Variants in CPED1 observed in about 807,000 individuals in gnomAD.
CPED1 encodes cadherin-like and PC-esterase domain-containing protein 1.
Under a neutral mutation model 128.2 loss-of-function variants are expected in CPED1, and 114 were observed. The ratio of observed to expected loss-of-function variants is 0.89; its 90% CI spans 0.76 to 1.04. The LOEUF is 1.04. Among genes scored for constraint, CPED1 ranks in the 50% least tolerant of loss-of-function variants. The probability of loss-of-function intolerance (pLI) is 0.00; values close to 1 mark genes in which losing one functional copy is unlikely to be tolerated. For missense variants in CPED1, 1,211 were observed against 1,207.1 expected, an observed-to-expected ratio of 1.00 and a Z score of -0.05; for synonymous variants, 462 against 426.7, an observed-to-expected ratio of 1.08 and a Z score of -1.02.
chr7:121,258,739 G>A (rs572896473), intron 18 of CPED1, among the ~76,000 whole-genome samples: 4 of 151,958 alleles, frequency 2.6e-5, no homozygotes, highest in East Asian at 1.9e-4. Context: ...AATTGTGTAC[G>A]TACCTAAATA....
chr7:121,210,071 T>C (rs1012199746), intron 16 of CPED1, among the ~76,000 whole-genome samples: 6 of 151,992 alleles, frequency 3.9e-5, no homozygotes, highest in African/African-American at 1.2e-4. Context: ...CTCAACATCA[T>C]TGATCATCAG....
chr7:121,130,446 T>C (rs1795634573), intron 12 of CPED1, 152 bp downstream of exon 12: 1 of 612,042 alleles, frequency 1.6e-6, no homozygotes, highest in South Asian at 2.3e-5. Flanking sequence ...CTTTAAACAT[T>C]GAAACCATAA....
At chr7:121,096,028 G>T (rs1282986834) in intron 5 of CPED1, among the ~76,000 whole-genome samples, 1 of 151,984 alleles carries the variant, frequency 6.6e-6, no homozygotes, top group Non-Finnish European at 1.5e-5. Flanking sequence ...TTAAGAACAC[G>T]TATTTTATTA....
At chr7:121,024,539 T>A (rs7802570) in intron 3 of CPED1, among the ~76,000 whole-genome samples, 34,480 of 152,096 alleles carry the variant, frequency 0.23, 4,356 homozygotes, top group East Asian at 0.42. Context: ...GTATTTAAAT[T>A]GTCTAAAGCT....
intron 22 of CPED1, among the ~76,000 whole-genome samples, chr7:121,286,864 T>TATAA: frequency 6.6e-6 from 1 of 152,062 alleles, no homozygotes; most frequent in East Asian, 1.9e-4. Context: ...ATAAAGGAAA[T>TATAA]AGGTTTAATT....
rs377035175 is a variant in CPED1 at position 121,189,760 on chromosome 7, T to TTATATATATATATATATATATATATA, written c.2056-46941_2056-46916dup. 4.0e-4 allele frequency among the ~76,000 whole-genome samples: 19 copies of TTATATATATATATATATATATATATA among 47,464 alleles called. 2 individuals are homozygous for TTATATATATATATATATATATATATA. The highest frequency in any genetic ancestry group is 5.9e-4 in the East Asian group (1 of 1,702). The allele number at this position is 47,464 out of a possible 152,430, so 31.1% of individuals were successfully genotyped here. Reference sequence around the variant, plus strand: ...TCTTATTTTACTTTCTTATGAGGTTTTATATATATATATATATATATATAT... The same window carrying TTATATATATATATATATATATATATA: ...TCTTATTTTACTTTCTTATGAGGTTTTATATATATATATATATATATATATATATATATATATATATATATATATAT... On this transcript the variant is annotated intron_variant, in intron 16 of 22. Transcript: ENST00000310396.
chr7:121,180,378 A>G (rs1020001877), intron 16 of CPED1, among the ~76,000 whole-genome samples: 5 of 152,094 alleles, frequency 3.3e-5, no homozygotes, highest in Non-Finnish European at 5.9e-5. Context: ...CAATGAAATA[A>G]AAATAGACTT....
rs933588019 is a variant in CPED1, at chr7:121,125,844, A to G, written c.1086A>G (p.Leu362=). 1.1e-5 allele frequency: 17 copies of G among 1,613,300 alleles called. No individual in the cohort carries two copies. Among genetic ancestry groups the G allele is most frequent in the Non-Finnish European group, 1.4e-5 (16 of 1,179,626 alleles). The stretch of plus-strand genomic sequence containing the variant: ...GATGCAGATTCTGCTTTCAACTTCT[A>G]ACTTTTGATATTGGTTATGGCAGTT... ...FHRCRFCFQL[L]TFDIGYGSFM... is the part of the protein sequence containing the mutation. Residue 362 remains leucine, a synonymous_variant, in exon 9 of 23, where the codon CTA becomes CTG. Coordinates refer to ENST00000310396, the MANE Select transcript of CPED1 (RefSeq NM_024913.5).
At chr7:121,267,428 C>T in intron 21 of CPED1, 126 bp downstream of exon 21, 1 of 466,132 alleles carries the variant, frequency 2.1e-6, no homozygotes, top group Admixed American at 4.0e-5. Flanking sequence ...AGAGATTGTG[C>T]TTTAAGTTCC....
chr7:121,227,314 G>A (rs1218980843), intron 16 of CPED1, among the ~76,000 whole-genome samples: 9 of 151,934 alleles, frequency 5.9e-5, no homozygotes, highest in South Asian at 2.1e-4. Context: ...ATCAGAAGCC[G>A]TGTTTTGAAT....
At chr7:121,127,045 A>G in intron 9 of CPED1, 45 bp from the exon 10 acceptor site, 1 of 1,394,654 alleles carries the variant, frequency 7.2e-7, no homozygotes, top group Non-Finnish European at 9.7e-7. Context: ...TTGTCTTAAA[A>G]GTAAATCGAT....
chr7:121,072,014 T>C (rs1794003310), intron 5 of CPED1, among the ~76,000 whole-genome samples: 1 of 152,134 alleles, frequency 6.6e-6, no homozygotes, highest in African/African-American at 2.4e-5. Context: ...TTGGTAATCT[T>C]AATTCTGTCA....
intron 16 of CPED1, among the ~76,000 whole-genome samples, chr7:121,157,426 G>T (rs1409289305): frequency 6.6e-6 from 1 of 152,128 alleles, no homozygotes; most frequent in Non-Finnish European, 1.5e-5. Context: ...CATTGTTAAT[G>T]GGGAAGATAC....
chr7:121,150,939 T>C (rs1796144535), intron 16 of CPED1, among the ~76,000 whole-genome samples: 1 of 152,122 alleles, frequency 6.6e-6, no homozygotes, highest in Non-Finnish European at 1.5e-5. Flanking sequence ...CGGCTAATTT[T>C]TGTAATTTTA....
At chr7:121,079,914 A>G (rs1431229447) in intron 5 of CPED1, among the ~76,000 whole-genome samples, 1 of 152,228 alleles carries the variant, frequency 6.6e-6, no homozygotes, top group East Asian at 1.9e-4. Flanking sequence ...ACACGCTGAT[A>G]ATTTGTAGGA....
chr7:121,005,593 A>G (rs1412480583), intron 2 of CPED1, among the ~76,000 whole-genome samples: 1 of 152,118 alleles, frequency 6.6e-6, no homozygotes, highest in Non-Finnish European at 1.5e-5. Flanking sequence ...GTACATGTAT[A>G]CCTATGTAAC....
rs191888311 is a variant in CPED1, at chr7:121,040,886, C to T, written c.434-6001C>T. Among the ~76,000 whole-genome samples the T allele has an allele frequency of 8.9e-4, 136 of 152,006 alleles. 6 individuals are homozygous for T. The East Asian group carries it at 0.019, about 21-fold the overall frequency. ...CTTTTGTAGCTTTGTATTCTAGAAG[C>T]TCTTGGACATGTTTTTTTCCAAACT... On this transcript the variant is annotated intron_variant, in intron 3 of 22. Transcript: ENST00000310396.
intron 5 of CPED1, among the ~76,000 whole-genome samples, chr7:121,097,013 T>G (rs763459841): frequency 1.3e-5 from 2 of 152,136 alleles, no homozygotes; most frequent in African/African-American, 4.8e-5. Flanking sequence ...AGCATTGGTT[T>G]TTGGTGGGAA....
intron 16 of CPED1, among the ~76,000 whole-genome samples, chr7:121,235,348 A>C (rs1396443786): frequency 1.3e-5 from 2 of 152,136 alleles, no homozygotes; most frequent in Non-Finnish European, 2.9e-5. Context: ...CTTAAACTCC[A>C]TGCTTAGTCA....
Sources: gnomAD v4.1 joint callset for allele counts (sites outside exome capture counted in the v4.1 genomes callset) on GRCh38, gnomAD v4.1.1 for gene constraint, MANE v1.5 for transcripts, NCBI Gene and HGNC (gene_info 2026-07-23, HGNC 2026-07-21) for gene names.